Variants in ERC2 observed in about 807,000 individuals in gnomAD.
ERC2 encodes the protein ERC protein 2.
ERC2 carries 42 observed loss-of-function variants against 114.8 expected under a neutral mutation model. That is an observed-to-expected ratio of 0.37 (90% CI 0.29 to 0.47). The LOEUF is 0.47. ERC2 is among the 20% of genes least tolerant of loss of function. ERC2 has a pLI of 0.99. For synonymous variants in ERC2, 454 were observed against 425.5 expected (o/e 1.07, Z -0.82); for missense variants, 939 against 1,150.7 (o/e 0.82, Z 2.66).
chr3:56,074,578 C>T (rs2076887869), intron 7 of ERC2, among the ~76,000 whole-genome samples: 1 of 152,106 alleles, frequency 6.6e-6, no homozygotes, highest in South Asian at 2.1e-4. Context: ...ATGATATTCT[C>T]TGTAAATACC....
At chr3:55,675,897 TTCTTTC>T (rs369532167) in intron 17 of ERC2, among the ~76,000 whole-genome samples, 1,076 of 102,148 alleles carry the variant, frequency 0.011, 89 homozygotes, top group Non-Finnish European at 0.013. Flanking sequence ...TCTTTCTCTT[TTCTTTC>T]TTTTTTTTTT....
At chr3:55,606,305 T>C (rs2058639169) in intron 17 of ERC2, among the ~76,000 whole-genome samples, 1 of 152,180 alleles carries the variant, frequency 6.6e-6, no homozygotes, top group African/African-American at 2.4e-5. Flanking sequence ...ATCTCATCTA[T>C]TCATTCAGTA....
intron 3 of ERC2, among the ~76,000 whole-genome samples, chr3:56,203,357 C>T (rs1444718364): frequency 6.6e-6 from 1 of 152,110 alleles, no homozygotes; most frequent in East Asian, 1.9e-4. Context: ...TTTTGTAGTT[C>T]GTGACCTTTG....
At chr3:55,603,809 A>G (rs2058521634) in intron 17 of ERC2, among the ~76,000 whole-genome samples, 1 of 152,174 alleles carries the variant, frequency 6.6e-6, no homozygotes, top group Non-Finnish European at 1.5e-5. Context: ...CACAAATCAC[A>G]CGGTATACAT....
intron 14 of ERC2, among the ~76,000 whole-genome samples, chr3:55,849,569 C>T (rs973373542): frequency 3.3e-5 from 5 of 152,112 alleles, no homozygotes; most frequent in African/African-American, 7.2e-5. Context: ...TAGCTGGCAC[C>T]GACGCAGGAG....
In ERC2 at chr3:56,156,996, TA is replaced by T. The variant is rs564540667; in HGVS notation, c.1150-7865del. 1.3e-4 allele frequency among the ~76,000 whole-genome samples: 20 copies of T among 152,336 alleles called. No individual in the cohort carries two copies. In the East Asian group the frequency reaches 3.9e-3, roughly 29 times the overall value. On this transcript the variant is annotated intron_variant, in intron 4 of 17. Coordinates refer to ENST00000288221, the MANE Select transcript of ERC2 (RefSeq NM_015576.3). ...TTGATTACCTACACAAGCACTGTGC[TA>T]GGAAATTCTCATTTAATATTCCCCA... is the stretch of plus-strand genomic sequence containing the variant.
chr3:56,301,996 C>T (rs2055909124), intron 2 of ERC2, among the ~76,000 whole-genome samples: 1 of 152,284 alleles, frequency 6.6e-6, no homozygotes, highest in East Asian at 1.9e-4. Flanking sequence ...GGATATGCTG[C>T]AGTGACAATA....
intron 2 of ERC2, among the ~76,000 whole-genome samples, chr3:56,351,449 T>A (rs553025907): frequency 6.6e-6 from 1 of 152,094 alleles, no homozygotes; most frequent in East Asian, 1.9e-4. Flanking sequence ...CCATGAAAAG[T>A]TTAAGCTTGA....
At chr3:56,075,162 C>G (rs1469769506) in intron 7 of ERC2, among the ~76,000 whole-genome samples, 3 of 151,922 alleles carry the variant, frequency 2.0e-5, no homozygotes, top group African/African-American at 4.8e-5. Flanking sequence ...AAAAACAGAG[C>G]AGAAAGCTCA....
rs142186077 is a variant in ERC2 at position 56,462,884 on chromosome 3, G to A, written c.-141+5364C>T. Among the ~76,000 whole-genome samples the A allele has an allele frequency of 6.7e-4, 102 of 152,222 alleles. 1 individual carries two copies. Among genetic ancestry groups the A allele is most frequent in the African/African-American group, 2.1e-3 (87 of 41,536 alleles). On this transcript the variant is annotated intron_variant, in intron 1 of 17. Transcript: ENST00000288221. ...GTCTAAGCTGGTACTATGAATGAAC[G>A]ATGTCACCAAGACCAAGATCCTTCC...
chr3:56,164,387 G>A (rs984101177), intron 4 of ERC2, among the ~76,000 whole-genome samples: 3 of 151,942 alleles, frequency 2.0e-5, no homozygotes, highest in Non-Finnish European at 2.9e-5. Context: ...TTAGCATAAT[G>A]TTTTCAAGGT....
intron 10 of ERC2, among the ~76,000 whole-genome samples, chr3:55,995,852 G>A (rs2071467947): frequency 6.6e-6 from 1 of 152,146 alleles, no homozygotes; most frequent in Non-Finnish European, 1.5e-5. Flanking sequence ...AGGAAATTGA[G>A]CTTATTAAAG....
chr3:56,109,198 G>A (rs891333977), intron 6 of ERC2, among the ~76,000 whole-genome samples: 8 of 151,872 alleles, frequency 5.3e-5, no homozygotes, highest in African/African-American at 1.7e-4. Flanking sequence ...CCTTCAGGTA[G>A]GCCCCAGCAT....
At chr3:55,745,443 C>T (rs938263221) in intron 14 of ERC2, among the ~76,000 whole-genome samples, 4 of 152,140 alleles carry the variant, frequency 2.6e-5, no homozygotes, top group Admixed American at 6.5e-5. Context: ...ATTGGTAAAT[C>T]TAGGAAGCAG....
chr3:56,008,704 C>T (rs1371445941), intron 9 of ERC2, among the ~76,000 whole-genome samples: 1 of 152,198 alleles, frequency 6.6e-6, no homozygotes, highest in Admixed American at 6.6e-5. Flanking sequence ...TGACTAAAAT[C>T]TACCATCAGT....
chr3:56,444,339 C>A (rs1438206432), intron 1 of ERC2, among the ~76,000 whole-genome samples: 1 of 151,994 alleles, frequency 6.6e-6, no homozygotes, highest in Non-Finnish European at 1.5e-5. Flanking sequence ...TTAGGTCAAA[C>A]TGTGTACAGA....
chr3:55,536,718 C>A (rs2054022438), intron 17 of ERC2, among the ~76,000 whole-genome samples: 1 of 152,216 alleles, frequency 6.6e-6, no homozygotes, highest in African/African-American at 2.4e-5. Flanking sequence ...TGGGAAATAA[C>A]TGAAGGGTAG....
At chr3:56,050,222 G>A (rs539261833) in intron 7 of ERC2, among the ~76,000 whole-genome samples, 1 of 152,302 alleles carries the variant, frequency 6.6e-6, no homozygotes, top group East Asian at 1.9e-4. Context: ...AGCTTTTTAA[G>A]TGACTAGTAA....
chr3:56,140,190 C>T (rs896996167), intron 5 of ERC2, among the ~76,000 whole-genome samples: 14 of 151,980 alleles, frequency 9.2e-5, no homozygotes, highest in Non-Finnish European at 1.5e-4. Flanking sequence ...ATAAAATATA[C>T]GTGAGGTATG....
Sources: allele counts gnomAD v4.1 joint callset (sites outside exome capture counted in the v4.1 genomes callset), GRCh38; gene constraint gnomAD v4.1.1; transcripts MANE v1.5; gene names NCBI Gene and HGNC (gene_info 2026-07-23, HGNC 2026-07-21).